Variants in CDH18 observed in about 807,000 individuals in gnomAD.
The protein encoded by CDH18 is cadherin-18.
A neutral mutation model predicts 67.9 loss-of-function variants in CDH18; 31 were observed. The ratio of observed to expected loss-of-function variants is 0.46; its 90% CI spans 0.34 to 0.62. CDH18 has a LOEUF of 0.62. CDH18 is among the 20% of genes least tolerant of loss of function. The pLI, the probability that CDH18 is intolerant of heterozygous loss-of-function variation, is 0.01. For synonymous variants in CDH18, 362 were observed against 347.2 expected, an observed-to-expected ratio of 1.04 and a Z score of -0.48; for missense variants, 890 against 975.5, an observed-to-expected ratio of 0.91 and a Z score of 1.17.
chr5:20,432,784 T>A (rs1156475150), intron 1 of CDH18, among the ~76,000 whole-genome samples: 1 of 151,904 alleles, frequency 6.6e-6, no homozygotes, highest in Non-Finnish European at 1.5e-5. Context: ...TTTAAAGGCC[T>A]AATACAGTTG....
chr5:20,326,072 A>G (rs1738548344), intron 1 of CDH18, among the ~76,000 whole-genome samples: 1 of 151,982 alleles, frequency 6.6e-6, no homozygotes, highest in Non-Finnish European at 1.5e-5. Flanking sequence ...TACTCTAGAT[A>G]CTCTTTCTGC....
chr5:20,380,868 T>C (rs913967187), intron 1 of CDH18, among the ~76,000 whole-genome samples: 1 of 152,196 alleles, frequency 6.6e-6, no homozygotes, highest in Non-Finnish European at 1.5e-5. Context: ...AAATTCTCTA[T>C]AGCTTCATAT....
intron 2 of CDH18, among the ~76,000 whole-genome samples, chr5:19,850,010 T>C (rs1159223218): frequency 6.6e-6 from 1 of 151,826 alleles, no homozygotes; most frequent in Non-Finnish European, 1.5e-5. Flanking sequence ...TGACATGGAT[T>C]TGAATCATGA....
intron 3 of CDH18, among the ~76,000 whole-genome samples, chr5:19,777,677 C>A (rs930188367): frequency 6.6e-6 from 1 of 152,148 alleles, no homozygotes; most frequent in Non-Finnish European, 1.5e-5. Flanking sequence ...TAAAGAATTG[C>A]CAAATAAATA....
At chr5:20,354,085 C>G (rs1283887332) in intron 1 of CDH18, among the ~76,000 whole-genome samples, 1 of 152,110 alleles carries the variant, frequency 6.6e-6, no homozygotes, top group Non-Finnish European at 1.5e-5. Context: ...AGCAGCTTAT[C>G]CACTTTGGAT....
chr5:20,321,977 T>C, intron 1 of CDH18, among the ~76,000 whole-genome samples: 1 of 152,128 alleles, frequency 6.6e-6, no homozygotes, highest in East Asian at 1.9e-4. Flanking sequence ...TTAATTGATA[T>C]ATTTAAAATT....
At chr5:20,334,323 G>C (rs1739503929) in intron 1 of CDH18, among the ~76,000 whole-genome samples, 1 of 150,620 alleles carries the variant, frequency 6.6e-6, no homozygotes, top group African/African-American at 2.5e-5. Context: ...ATTTTTAGTA[G>C]AGACGGGGTT....
chr5:19,949,349 C>T (rs575987710), intron 2 of CDH18, among the ~76,000 whole-genome samples: 148 of 152,180 alleles, frequency 9.7e-4, no homozygotes, highest in Non-Finnish European at 1.5e-3. Flanking sequence ...CTGTCACTTC[C>T]CTGCCTCTGG....
intron 11 of CDH18, among the ~76,000 whole-genome samples, chr5:19,489,070 T>C (rs891857689): frequency 1.3e-5 from 2 of 152,136 alleles, no homozygotes; most frequent in African/African-American, 2.4e-5. Flanking sequence ...CTTAAAATCC[T>C]GGATAAATAC....
At chr5:19,499,705 G>A (rs1305993965) in intron 11 of CDH18, among the ~76,000 whole-genome samples, 1 of 151,992 alleles carries the variant, frequency 6.6e-6, no homozygotes, top group African/African-American at 2.4e-5. Flanking sequence ...TCATTAGTCA[G>A]AGCAAATTCA....
At chr5:20,146,152 T>C (rs1750627919) in intron 2 of CDH18, among the ~76,000 whole-genome samples, 1 of 152,070 alleles carries the variant, frequency 6.6e-6, no homozygotes, top group South Asian at 2.1e-4. Flanking sequence ...TGGTGCAGGA[T>C]TCTGCTTGAA....
intron 11 of CDH18, among the ~76,000 whole-genome samples, chr5:19,492,094 T>G (rs973666195): frequency 6.6e-6 from 1 of 152,148 alleles, no homozygotes; most frequent in Non-Finnish European, 1.5e-5. Context: ...TTTTCAAATG[T>G]AAAAGACAAA....
chr5:20,008,250 T>C (rs919266681), intron 2 of CDH18, among the ~76,000 whole-genome samples: 1 of 152,172 alleles, frequency 6.6e-6, no homozygotes, highest in Admixed American at 6.6e-5. Flanking sequence ...AACATATACA[T>C]GTAGAAACCA....
intron 2 of CDH18, among the ~76,000 whole-genome samples, chr5:20,214,286 T>G (rs1740585638): frequency 6.6e-6 from 1 of 152,030 alleles, no homozygotes; most frequent in Admixed American, 6.6e-5. Flanking sequence ...TTTTATAGAT[T>G]CAGTACTGGT....
chr5:19,762,933 T>C (rs1772562557), intron 3 of CDH18, among the ~76,000 whole-genome samples: 2 of 152,118 alleles, frequency 1.3e-5, no homozygotes, highest in Admixed American at 1.3e-4. Context: ...AAAGGATGAG[T>C]TCCTGTCCTT....
At chr5:19,987,549 A>T (rs966704397) in intron 1 of CDH18, among the ~76,000 whole-genome samples, 1 of 152,034 alleles carries the variant, frequency 6.6e-6, no homozygotes, top group Non-Finnish European at 1.5e-5. Flanking sequence ...AAAAAAAAAG[A>T]ATGAAAGAAT....
intron 5 of CDH18, among the ~76,000 whole-genome samples, chr5:19,652,019 C>A (rs1186217994): frequency 6.6e-6 from 1 of 151,958 alleles, no homozygotes; most frequent in Non-Finnish European, 1.5e-5. Flanking sequence ...CGATTCATAG[C>A]TATTAATGCT....
intron 5 of CDH18, among the ~76,000 whole-genome samples, chr5:19,691,290 T>C (rs1041000491): frequency 2.6e-5 from 4 of 151,840 alleles, no homozygotes; most frequent in African/African-American, 9.7e-5. Flanking sequence ...AACATTATAC[T>C]GAATGGAGAA....
In CDH18 at chr5:20,084,839, T is replaced by C. The variant is rs145188901; in HGVS notation, c.-517-92825A>G. Among the ~76,000 whole-genome samples, 329 of 152,136 alleles carry C rather than the reference T, an allele frequency of 2.2e-3. 1 individual carries two copies. Among genetic ancestry groups the C allele is most frequent in the African/African-American group, 7.7e-3 (321 of 41,518 alleles). ...AGTGGCTGGGATGCAGGATACCAAG[T>C]CCCTAGGCTGCACACAGCACAGGGA... On this transcript the variant is annotated intron_variant, in intron 2 of 14. Transcript: ENST00000507958.
Sources: allele counts gnomAD v4.1 joint callset (sites outside exome capture counted in the v4.1 genomes callset), GRCh38; gene constraint gnomAD v4.1.1; transcripts MANE v1.5; gene names NCBI Gene and HGNC (gene_info 2026-07-23, HGNC 2026-07-21).